Variants in EXOC4 observed in about 807,000 individuals in gnomAD.
The protein encoded by EXOC4 is SEC8-like 1.
In EXOC4, 71 loss-of-function variants were observed where a neutral mutation model predicts 107.2. The observed-to-expected ratio is 0.66, with a 90% CI of 0.55 to 0.81. The LOEUF (loss-of-function observed/expected upper bound fraction) is 0.81, where lower values mean the gene tolerates loss of function less well. EXOC4 is among the 30% of genes least tolerant of loss of function. EXOC4 has a pLI of 0.00. For missense variants in EXOC4, 1,108 were observed against 1,189.6 expected (o/e 0.93, Z 1.01); for synonymous variants, 456 against 441.2 (o/e 1.03, Z -0.42).
At chr7:133,956,051 G>C (rs1800811940) in intron 14 of EXOC4, among the ~76,000 whole-genome samples, 1 of 152,226 alleles carries the variant, frequency 6.6e-6, no homozygotes, top group African/African-American at 2.4e-5. Context: ...GCCTGCTCCT[G>C]GCCCCCAAGA....
chr7:133,917,503 C>T, intron 12 of EXOC4, 80 bp from the exon 13 acceptor site: 2 of 1,411,678 alleles, frequency 1.4e-6, no homozygotes, highest in Non-Finnish European at 1.9e-6. Context: ...TTCTTTTTTC[C>T]TGCAGCAAAG....
At chr7:133,881,188 T>C (rs182632315) in intron 11 of EXOC4, among the ~76,000 whole-genome samples, 30 of 152,266 alleles carry the variant, frequency 2.0e-4, no homozygotes, top group Non-Finnish European at 3.2e-4. Context: ...TGTATGTATG[T>C]ATGTCATAAA....
chr7:133,581,325 T>C (rs2150967707), intron 9 of EXOC4, among the ~76,000 whole-genome samples: 1 of 152,280 alleles, frequency 6.6e-6, no homozygotes, highest in African/African-American at 2.4e-5. Flanking sequence ...AGGTCGCGGG[T>C]ACATGTACAG....
At position 133,803,460 on chromosome 7, in the gene EXOC4, T is replaced by C. The variant is rs950302106; in HGVS notation, c.1515-13865T>C. Among the ~76,000 whole-genome samples, 7 of 152,314 alleles carry C rather than the reference T, an allele frequency of 4.6e-5. No homozygotes were observed. In the South Asian group the frequency reaches 1.4e-3, roughly 32 times the overall value. ...GGCAGAGTCACCTGATTGCAGACATTGACTCTTGCTTGGACAGCTGTTTTA... is the reference window on the plus strand; with the variant it reads ...GGCAGAGTCACCTGATTGCAGACATCGACTCTTGCTTGGACAGCTGTTTTA... On this transcript the variant is annotated intron_variant, in intron 10 of 17. Coordinates refer to ENST00000253861, the MANE Select transcript of EXOC4 (RefSeq NM_021807.4).
chr7:133,994,246 A>C (rs543787531), intron 14 of EXOC4, among the ~76,000 whole-genome samples: 1 of 152,332 alleles, frequency 6.6e-6, no homozygotes, highest in African/African-American at 2.4e-5. Context: ...TAGTTTGCTG[A>C]GGATGATGGT....
At chr7:133,924,128 A>G (rs1166814142) in intron 13 of EXOC4, among the ~76,000 whole-genome samples, 1 of 152,168 alleles carries the variant, frequency 6.6e-6, no homozygotes, top group Non-Finnish European at 1.5e-5. Flanking sequence ...TATTACCATA[A>G]TATTTTCCCA....
chr7:133,939,531 A>C (rs1024148762), intron 14 of EXOC4, among the ~76,000 whole-genome samples: 2 of 152,180 alleles, frequency 1.3e-5, no homozygotes, highest in Non-Finnish European at 2.9e-5. Context: ...CTTTTATTGA[A>C]AATACTACTT....
chr7:133,969,843 G>C (rs1801160319), intron 14 of EXOC4, among the ~76,000 whole-genome samples: 1 of 152,210 alleles, frequency 6.6e-6, no homozygotes. Context: ...GAGGTAGTCT[G>C]ACCCTTAGCA....
intron 9 of EXOC4, among the ~76,000 whole-genome samples, chr7:133,532,999 G>T (rs1015702355): frequency 1.3e-5 from 2 of 151,972 alleles, no homozygotes; most frequent in Admixed American, 6.6e-5. Flanking sequence ...CCCTGCCATT[G>T]ATTGCCACTG....
chr7:133,995,331 A>G (rs1344680784), intron 14 of EXOC4, among the ~76,000 whole-genome samples: 1 of 152,210 alleles, frequency 6.6e-6, no homozygotes, highest in African/African-American at 2.4e-5. Context: ...TTTGGACCTC[A>G]GATTAGGAGT....
At chr7:133,389,074 AT>A (rs919645556) in intron 7 of EXOC4, among the ~76,000 whole-genome samples, 3 of 152,280 alleles carry the variant, frequency 2.0e-5, no homozygotes, top group Non-Finnish European at 4.4e-5. Flanking sequence ...AGTGAAAGTA[AT>A]GTTTTTAGGA....
chr7:133,291,288 G>A (rs1794398824), intron 3 of EXOC4, among the ~76,000 whole-genome samples: 2 of 151,068 alleles, frequency 1.3e-5, no homozygotes, highest in African/African-American at 4.9e-5. Context: ...TTGGGGATTT[G>A]TCTTTTTCCT....
intron 17 of EXOC4, among the ~76,000 whole-genome samples, chr7:134,031,116 A>G (rs1247749339): frequency 6.6e-6 from 1 of 152,210 alleles, no homozygotes; most frequent in Non-Finnish European, 1.5e-5. Context: ...TTGATGGAGA[A>G]TAGCGGGGAA....
chr7:133,858,955 C>T (rs1798476225), intron 11 of EXOC4, among the ~76,000 whole-genome samples: 1 of 152,096 alleles, frequency 6.6e-6, no homozygotes, highest in South Asian at 2.1e-4. Flanking sequence ...CCTGGCAGGT[C>T]TCTTTGTTGC....
chr7:134,035,041 C>G (rs1415496881), intron 17 of EXOC4, among the ~76,000 whole-genome samples: 1 of 138,508 alleles, frequency 7.2e-6, no homozygotes, highest in Non-Finnish European at 1.6e-5. Context: ...TTTTTCTTTT[C>G]TTTACTTTTT....
At chr7:133,723,268 G>A (rs1197198481) in intron 10 of EXOC4, among the ~76,000 whole-genome samples, 4 of 152,218 alleles carry the variant, frequency 2.6e-5, no homozygotes, top group African/African-American at 9.6e-5. Context: ...GCTGGCACTA[G>A]CTGGCGCCTT....
intron 12 of EXOC4, 41 bp from the exon 13 acceptor site, chr7:133,917,542 G>A: frequency 6.3e-7 from 1 of 1,587,504 alleles, no homozygotes; most frequent in Non-Finnish European, 8.6e-7. Flanking sequence ...TGAATACCAG[G>A]CATCATGCTA....
At chr7:133,611,812 A>G (rs1243433016) in intron 9 of EXOC4, among the ~76,000 whole-genome samples, 2 of 152,212 alleles carry the variant, frequency 1.3e-5, no homozygotes, top group Non-Finnish European at 2.9e-5. Flanking sequence ...TTATTGTTAA[A>G]TACTACAGAG....
chr7:133,295,585 G>T (rs775115637), intron 3 of EXOC4, among the ~76,000 whole-genome samples: 2 of 152,136 alleles, frequency 1.3e-5, no homozygotes, highest in Non-Finnish European at 2.9e-5. Context: ...GAACATTTTA[G>T]TGTTAGAAGA....
Sources: allele counts gnomAD v4.1 joint callset (sites outside exome capture counted in the v4.1 genomes callset), GRCh38; gene constraint gnomAD v4.1.1; transcripts MANE v1.5; gene names NCBI Gene and HGNC (gene_info 2026-07-23, HGNC 2026-07-21).